PIEZO1: variants seen among roughly 807,000 people sequenced by gnomAD.
PIEZO1 encodes piezo-type mechanosensitive ion channel component 1.
In PIEZO1, 296 loss-of-function variants were observed where a neutral mutation model predicts 297.2. The observed-to-expected ratio is 1.00, with a 90% confidence interval of 0.91 to 1.10. PIEZO1 has a LOEUF of 1.10. Among genes scored for constraint, PIEZO1 ranks in the 50% least tolerant of loss-of-function variants. The pLI is 0.00. For synonymous variants in PIEZO1, 2,427 were observed against 1,507.5 expected (o/e 1.61, Z -14.13); for missense variants, 5,018 against 3,455.5 (o/e 1.45, Z -11.34).
chr16:88,744,427 C>T (rs1046851923), intron 2 of PIEZO1: 1 of 151,974 alleles, frequency 6.6e-6, no homozygotes, highest in African/African-American at 2.4e-5. Flanking sequence ...CAAGGACCCC[C>T]GGGCACTGAG....
In PIEZO1 at chr16:88,723,282, C is replaced by A. The variant is rs751127779; in HGVS notation, c.4382G>T (p.Arg1461Leu). 6 of 1,523,202 alleles carry A rather than the reference C, an allele frequency of 3.9e-6. No individual in the cohort carries two copies. In the East Asian group the frequency reaches 1.5e-4, roughly 37 times the overall value. 94.4% of individuals were successfully genotyped at this position (1,523,202 alleles called of 1,614,324 possible). A position where few individuals can be genotyped will look rare whatever the true frequency, so the allele number is the denominator to read the frequency against. The change falls in exon 32 of 51, where the codon CGG (arginine) becomes CTG (leucine). Residue 1461 changes from arginine (R) to leucine (L), a missense_variant. By Grantham distance (102) the Arg-to-Leu change is moderately radical. Coordinates refer to ENST00000301015, the MANE Select transcript of PIEZO1 (RefSeq NM_001142864.4). Reference protein sequence around the residue: ...WVTNAQAVLRRRQQEQEQARQ... With the variant: ...WVTNAQAVLRLRQQEQEQARQ... ...TGCCTGCTCCTGCTCCTGCTGCCGC[C>A]GCCTCAGCACCGCCTGGGCGTTGGT...
rs1227236380 is a variant in PIEZO1, at chr16:88,737,637, G to C, written c.1117C>G (p.Pro373Ala). Reference protein sequence around the residue: ...QERESDQHVVPTAPDTEADNC... With the variant: ...QERESDQHVVATAPDTEADNC... ...TCAGCCTCGGTGTCGGGTGCTGTGG[G>C]CACCACGTGCTGTGGGCAAGCAGCG... Residue 373 changes from proline to alanine, a missense_variant, in exon 10 of 51, where the codon CCC (proline) becomes GCC (alanine). Physicochemically the swap from Pro to Ala is conservative, Grantham distance 27 (BLOSUM62 -1). Transcript: ENST00000301015. The C allele has an allele frequency of 1.3e-6, 2 of 1,534,720 alleles. No individual in the cohort carries two copies. Among genetic ancestry groups the C allele is most frequent in the African/African-American group, 2.7e-5 (2 of 73,014 alleles).
chr16:88,769,785 G>A (rs543421897), intron 1 of PIEZO1, among the ~76,000 whole-genome samples: 14 of 152,164 alleles, frequency 9.2e-5, no homozygotes, highest in African/African-American at 3.1e-4. Context: ...GGGAAACAGG[G>A]AGGGGCCAGG....
chr16:88,731,615 G>C (rs1189195069), intron 22 of PIEZO1, 91 bp downstream of exon 22: 1 of 957,190 alleles, frequency 1.0e-6, no homozygotes, highest in Non-Finnish European at 1.6e-6. Context: ...GTCTAGGAGG[G>C]TGGACAGGAG....
chr16:88,747,105 C>T (rs572760107), intron 2 of PIEZO1, among the ~76,000 whole-genome samples: 1 of 152,328 alleles, frequency 6.6e-6, no homozygotes, highest in South Asian at 2.1e-4. Flanking sequence ...GTGACTCACA[C>T]CTGTAATCTC....
intron 22 of PIEZO1, among the ~76,000 whole-genome samples, chr16:88,728,394 G>A (rs1407309959): frequency 1.3e-5 from 2 of 151,986 alleles, no homozygotes; most frequent in Non-Finnish European, 2.9e-5. Context: ...AAAACAAAGT[G>A]ACCCTCCATG....
chr16:88,784,961 C>T lies in PIEZO1; in HGVS notation c.4G>A (p.Glu2Lys). 7.3e-7 allele frequency: 1 copy of T among 1,370,668 alleles called. No individual in the cohort carries two copies. Among genetic ancestry groups the T allele is most frequent in the Non-Finnish European group, 9.5e-7 (1 of 1,052,752 alleles). The allele number at this position is 1,370,668 out of a possible 1,614,324, so 84.9% of individuals were successfully genotyped here. A position where few individuals can be genotyped will look rare whatever the true frequency, so the allele number is the denominator to read the frequency against. ...AGGACCGCGCCGAGCACGTGCGGCT[C>T]CATGGCTGGAGGGCCCAGGGCCCGG... M[E>K]PHVLGAVLYW... Residue 2 changes from glutamate (E) to lysine (K), a missense_variant, in exon 1 of 51, where the codon GAG becomes AAG. Physicochemically the swap from Glu to Lys is moderately conservative, Grantham distance 56. Transcript: ENST00000301015.
At chr16:88,756,678 G>A (rs1034261744) in intron 1 of PIEZO1, among the ~76,000 whole-genome samples, 1 of 152,168 alleles carries the variant, frequency 6.6e-6, no homozygotes, top group Non-Finnish European at 1.5e-5. Context: ...TGAGGCAAGA[G>A]AATCGCTTGA....
rs1905016807 is a variant in PIEZO1 at position 88,733,585 on chromosome 16, C to T, written c.2487+3G>A. 1.9e-6 allele frequency: 3 copies of T among 1,539,296 alleles called. No individual in the cohort carries two copies. Among genetic ancestry groups the T allele is most frequent in the Non-Finnish European group, 2.6e-6 (3 of 1,139,406 alleles). On this transcript the variant is annotated splice_donor_region_variant and intron_variant, in intron 18 of 50. Coordinates refer to ENST00000301015, the MANE Select transcript of PIEZO1 (RefSeq NM_001142864.4). ...GGGAAGCTGAGTTGCCTGCCACACT[C>T]ACCTCCTTCAGGGCCACCCAGACGG...
chr16:88,721,029 C>T (rs1043187781), intron 39 of PIEZO1, 137 bp downstream of exon 39: 7 of 948,062 alleles, frequency 7.4e-6, no homozygotes, highest in Non-Finnish European at 1.1e-5. Flanking sequence ...GGAGCTGTGG[C>T]TCAGAAGTGG....
chr16:88,731,421 C>T (rs1904799182), intron 22 of PIEZO1: 3 of 452,866 alleles, frequency 6.6e-6, no homozygotes, highest in African/African-American at 5.9e-5. Flanking sequence ...ACGCAGTGCT[C>T]CTTGTGTGAC....
intron 1 of PIEZO1, among the ~76,000 whole-genome samples, chr16:88,763,988 G>A (rs951578546): frequency 7.2e-5 from 11 of 152,118 alleles, no homozygotes; most frequent in African/African-American, 2.4e-4. Flanking sequence ...GGTTCAGAGG[G>A]GTTTCAGGAG....
chr16:88,738,178 G>T, intron 7 of PIEZO1, 49 bp downstream of exon 7: 1 of 1,533,136 alleles, frequency 6.5e-7, no homozygotes. Flanking sequence ...CGAGCCAGGT[G>T]GGCGGGACCA....
At chr16:88,720,565 A>G in intron 40 of PIEZO1, 33 bp from the exon 41 acceptor site, 2 of 1,492,584 alleles carry the variant, frequency 1.3e-6, no homozygotes, top group South Asian at 1.2e-5. Context: ...TGGGCCCAGT[A>G]CCCGCCTCCC....
At position 88,727,140 on chromosome 16, in the gene PIEZO1, A is replaced by T; in HGVS notation, c.3354T>A (p.Ala1118=). 6.5e-7 allele frequency: 1 copy of T among 1,549,538 alleles called. No homozygotes were observed. Among genetic ancestry groups the T allele is most frequent in the Non-Finnish European group, 8.7e-7 (1 of 1,146,408 alleles). ...CASQQWQVFS[A]ERTEEWQRMA... The stretch of plus-strand genomic sequence containing the variant: ...TGCGCTGCCACTCCTCTGTGCGCTC[A>T]GCTGAGAACACCTGCCACTGCTGGG... Residue 1118 remains alanine, a synonymous_variant, in exon 24 of 51, where the codon GCT becomes GCA. Coordinates refer to ENST00000301015, the MANE Select transcript of PIEZO1 (RefSeq NM_001142864.4).
intron 2 of PIEZO1, chr16:88,745,345 CTGTG>C (rs1905980513): frequency 6.6e-6 from 1 of 152,298 alleles, no homozygotes; most frequent in South Asian, 2.1e-4. Flanking sequence ...TCCTGAACCA[CTGTG>C]TGGGCCCCAA....
intron 39 of PIEZO1, among the ~76,000 whole-genome samples, 165 bp from the exon 40 acceptor site, chr16:88,720,913 C>T (rs960238691): frequency 1.6e-4 from 24 of 152,172 alleles, no homozygotes; most frequent in African/African-American, 4.6e-4. Context: ...GGGCTGTGTC[C>T]TCTGTCTGGG....
intron 34 of PIEZO1, 43 bp from the exon 35 acceptor site, chr16:88,722,732 G>A (rs1333724434): frequency 7.8e-6 from 12 of 1,530,314 alleles, no homozygotes; most frequent in Non-Finnish European, 8.8e-6. Flanking sequence ...TCCAGCTCTT[G>A]TCCCCACACG....
intron 1 of PIEZO1, among the ~76,000 whole-genome samples, chr16:88,767,127 G>A (rs1042587716): frequency 3.3e-5 from 5 of 152,082 alleles, no homozygotes; most frequent in African/African-American, 7.2e-5. Flanking sequence ...GCTTCTTCCC[G>A]GATTGAGCTG....
Sources: allele counts gnomAD v4.1 joint callset (sites outside exome capture counted in the v4.1 genomes callset), GRCh38; gene constraint gnomAD v4.1.1; transcripts MANE v1.5; gene names NCBI Gene and HGNC (gene_info 2026-07-23, HGNC 2026-07-21).